Variants in TNRC6B observed in about 807,000 individuals in gnomAD.
TNRC6B encodes trinucleotide repeat-containing gene 6B protein.
In TNRC6B, 52 loss-of-function variants were observed where a neutral mutation model predicts 203.6. The ratio of observed to expected loss-of-function variants is 0.26; its 90% CI spans 0.20 to 0.32. TNRC6B has a LOEUF of 0.32. Among genes scored for constraint, TNRC6B ranks in the 10% least tolerant of loss-of-function variants. The pLI, the probability that TNRC6B is intolerant of heterozygous loss-of-function variation, is 1.00. For missense variants in TNRC6B, 1,923 were observed against 2,286.2 expected (o/e 0.84, Z 3.24); for synonymous variants, 838 against 845.7 (o/e 0.99, Z 0.16).
At chr22:40,287,763 A>AATGCC (rs2070807593) in intron 12 of TNRC6B, among the ~76,000 whole-genome samples, 1 of 152,204 alleles carries the variant, frequency 6.6e-6, no homozygotes, top group Admixed American at 6.5e-5. Context: ...AGATGGAGAA[A>AATGCC]ATGCCATCTC....
Position 40,300,681 on chromosome 22 carries a change from A to G in TNRC6B, c.3840+95A>G, listed in dbSNP as rs1328667865. On this transcript the variant is annotated intron_variant, in intron 13 of 22. Coordinates refer to ENST00000454349, the MANE Select transcript of TNRC6B (RefSeq NM_001162501.2). ...GCTTCCCACATCTTTGCCACTTTCT[A>G]TGTTCAAAGGGTGCTAGTCCACACT... The G allele has an allele frequency of 1.4e-5, 20 of 1,467,960 alleles. No homozygotes were observed. The Admixed American group carries it at 1.4e-4, about 10-fold the overall frequency. The allele number at this position is 1,467,960 out of a possible 1,614,324, so 90.9% of individuals were successfully genotyped here.
At chr22:40,075,088 G>A (rs1293200316) in intron 1 of TNRC6B, among the ~76,000 whole-genome samples, 1 of 143,226 alleles carries the variant, frequency 7.0e-6, no homozygotes, top group Non-Finnish European at 1.5e-5. Context: ...ATTCTTGGGT[G>A]TAGTGTGCTA....
At chr22:40,132,969 A>ATATATATATATATATAT (rs1555884686) in intron 3 of TNRC6B, among the ~76,000 whole-genome samples, 2 of 78,188 alleles carry the variant, frequency 2.6e-5, no homozygotes, top group African/African-American at 4.0e-5. Context: ...AAAAAAAAAA[A>ATATATATATATATATAT]ATATATATAT....
chr22:40,145,971 G>A (rs1475505359), intron 3 of TNRC6B, among the ~76,000 whole-genome samples: 2 of 152,162 alleles, frequency 1.3e-5, no homozygotes, highest in Non-Finnish European at 2.9e-5. Flanking sequence ...TGATAGGTTA[G>A]GATGGAAACA....
intron 11 of TNRC6B, among the ~76,000 whole-genome samples, chr22:40,284,148 T>C (rs571626122): frequency 6.6e-6 from 1 of 152,310 alleles, no homozygotes; most frequent in East Asian, 1.9e-4. Flanking sequence ...GAATTAAAGG[T>C]CTTCTCATGT....
intron 1 of TNRC6B, among the ~76,000 whole-genome samples, chr22:40,092,697 G>T (rs917089440): frequency 6.6e-6 from 1 of 151,988 alleles, no homozygotes; most frequent in Non-Finnish European, 1.5e-5. Context: ...TTTTTTAGGG[G>T]CAAGGTCTTG....
At position 40,265,035 on chromosome 22, in the gene TNRC6B, C is replaced by G; in HGVS notation, c.805C>G (p.Gln269Glu). Residue 269 changes from glutamine (Q) to glutamate (E), a missense_variant, in exon 5 of 23, where the codon CAA becomes GAA. Coordinates refer to ENST00000454349, the MANE Select transcript of TNRC6B (RefSeq NM_001162501.2). ...WKSDPKAKSVQSSNSTTENNN... is the reference protein window; with the variant it reads ...WKSDPKAKSVESSNSTTENNN... ...ATCTGACCCTAAGGCTAAATCTGTT[C>G]AATCTTCCAACTCTACTACAGAGAA... The G allele has an allele frequency of 3.1e-6, 5 of 1,613,958 alleles. No individual in the cohort carries two copies. The highest frequency in any genetic ancestry group is 4.2e-6 in the Non-Finnish European group (5 of 1,179,882).
At position 40,266,285 on chromosome 22, in the gene TNRC6B, C is replaced by G. The variant is rs748158394; in HGVS notation, c.2055C>G (p.Ala685=). 10 of 1,591,850 alleles carry G rather than the reference C, an allele frequency of 6.3e-6. No homozygotes were observed. In the East Asian group the frequency reaches 2.3e-4, roughly 36 times the overall value. The change falls in exon 5 of 23, where the codon GCC becomes GCG. Residue 685 remains alanine, a synonymous_variant. Coordinates refer to ENST00000454349, the MANE Select transcript of TNRC6B (RefSeq NM_001162501.2). ...QMKSGWGELS[A]STEWKDPKNT... ...AGTCTGGATGGGGGGAGCTCTCAGC[C>G]TCTACAGAGTGGAAAGACCCCAAGA...
intron 4 of TNRC6B, among the ~76,000 whole-genome samples, chr22:40,160,430 T>C (rs4820404): frequency 0.68 from 100,836 of 148,764 alleles, 35,954 homozygotes; most frequent in African/African-American, 0.91. Context: ...GAGCCGAGAT[T>C]GTGCCATTGC....
chr22:40,285,451 G>A (rs1457713472), intron 11 of TNRC6B, among the ~76,000 whole-genome samples, 194 bp from the exon 12 acceptor site: 1 of 152,176 alleles, frequency 6.6e-6, no homozygotes, highest in African/African-American at 2.4e-5. Flanking sequence ...TCTTCAAACT[G>A]TACAGGTGCC....
intron 15 of TNRC6B, among the ~76,000 whole-genome samples, chr22:40,304,468 A>G (rs890198857): frequency 3.9e-5 from 6 of 152,242 alleles, no homozygotes; most frequent in Non-Finnish European, 7.3e-5. Context: ...CTATCTAAAA[A>G]TTATATTTTA....
chr22:40,217,068 C>CA (rs1276553443), intron 1 of TNRC6B, among the ~76,000 whole-genome samples: 1 of 152,116 alleles, frequency 6.6e-6, no homozygotes, highest in African/African-American at 2.4e-5. Context: ...TCCTCTAAGT[C>CA]ATCTGCTCTG....
At position 40,266,695 on chromosome 22, in the gene TNRC6B, AGCAGCAGCCCCC is replaced by A; in HGVS notation, c.2466_2477del (p.Gln827_Pro830del). The A allele has an allele frequency of 6.2e-7, 1 of 1,613,982 alleles. No individual in the cohort carries two copies. The highest frequency in any genetic ancestry group is 8.5e-7 in the Non-Finnish European group (1 of 1,179,850). On this transcript the variant is annotated inframe_deletion, in exon 5 of 23. Transcript: ENST00000454349. The stretch of plus-strand genomic sequence containing the variant: ...AATTCCTGGAATAAACAACACCAAC[AGCAGCAGCCCCC>A]ACAGCAGCCGCCGCCACCACAACCA...
chr22:40,184,916 C>T (rs1317152978), intron 1 of TNRC6B, among the ~76,000 whole-genome samples: 1 of 152,116 alleles, frequency 6.6e-6, no homozygotes, highest in Non-Finnish European at 1.5e-5. Flanking sequence ...CTGAGATATC[C>T]AGGTGAAAGG....
chr22:40,218,918 A>G (rs2069672419), intron 1 of TNRC6B, among the ~76,000 whole-genome samples: 2 of 152,238 alleles, frequency 1.3e-5, no homozygotes, highest in Non-Finnish European at 2.9e-5. Context: ...GGATGGAGTC[A>G]TTGGCAACAG....
At chr22:40,117,890 A>G (rs1191378026) in intron 2 of TNRC6B, among the ~76,000 whole-genome samples, 1 of 152,158 alleles carries the variant, frequency 6.6e-6, no homozygotes, top group African/African-American at 2.4e-5. Flanking sequence ...TGTCTCCTTT[A>G]CTAATATATA....
rs117944086 is a variant in TNRC6B at position 40,122,366 on chromosome 22, A to C, written c.-46-3406A>C. ...CACTGGGCAGAGGGGCCGGGCTTAA[A>C]AAAAAAAGCTGTATTGGAGAATGTG... On this transcript the variant is annotated intron_variant, in intron 2 of 23. Coordinates refer to the TNRC6B transcript ENST00000301923. 2.0e-4 allele frequency among the ~76,000 whole-genome samples: 30 copies of C among 152,282 alleles called. No individual in the cohort carries two copies. The East Asian group carries it at 5.8e-3, about 29-fold the overall frequency.
chr22:40,118,465 G>A (rs902652279), intron 2 of TNRC6B, among the ~76,000 whole-genome samples: 2 of 152,126 alleles, frequency 1.3e-5, no homozygotes, highest in South Asian at 2.1e-4. Context: ...AAAGAAGAAC[G>A]GTTCTACATT....
At chr22:40,107,538 A>G (rs890366735) in intron 1 of TNRC6B, among the ~76,000 whole-genome samples, 4 of 152,198 alleles carry the variant, frequency 2.6e-5, no homozygotes, top group Non-Finnish European at 5.9e-5. Flanking sequence ...GAAAAACTAT[A>G]TAGATTCATG....
Sources: allele counts gnomAD v4.1 joint callset (sites outside exome capture counted in the v4.1 genomes callset), GRCh38; gene constraint gnomAD v4.1.1; transcripts MANE v1.5; gene names NCBI Gene and HGNC (gene_info 2026-07-23, HGNC 2026-07-21).